The following SPOPL variants were observed in gnomAD, a reference collection of about 807,000 sequenced individuals.
The protein encoded by SPOPL is speckle type BTB/POZ protein like, also known as speckle-type POZ protein-like.
SPOPL carries 23 observed loss-of-function variants against 53.8 expected under a neutral mutation model. The ratio of observed to expected loss-of-function variants is 0.43; its 90% CI spans 0.31 to 0.61. The LOEUF (loss-of-function observed/expected upper bound fraction) is 0.61. Ranked by LOEUF, SPOPL falls within the 20% of genes least tolerant of loss-of-function variation. The pLI is 0.12. For synonymous variants in SPOPL, 164 were observed against 149.7 expected (o/e 1.10, Z -0.70); for missense variants, 442 against 466.9 (o/e 0.95, Z 0.49).
chr2:138,564,754 G>C lies in SPOPL; in HGVS notation c.884G>C (p.Ser295Thr). The part of the protein sequence containing the change: ...LKVMCEEALC[S>T]NLSVENVADT... ...GTCATGTGCGAAGAAGCTTTGTGTA[G>C]TAACCTCTCAGTAGAGAATGTTGCA... The change falls in exon 9 of 11, where the codon AGT (serine) becomes ACT (threonine). Residue 295 changes from serine (S) to threonine (T), a missense_variant. Physicochemically the swap from Ser to Thr is moderately conservative, Grantham distance 58. Transcript: ENST00000280098. The C allele has an allele frequency of 6.2e-7, 1 of 1,614,170 alleles. No individual in the cohort carries two copies. The highest frequency in any genetic ancestry group is 1.6e-4 in the Middle Eastern group (1 of 6,062).
At chr2:138,565,977 G>T (rs1188690757) in intron 10 of SPOPL, among the ~76,000 whole-genome samples, 1 of 151,964 alleles carries the variant, frequency 6.6e-6, no homozygotes, top group Non-Finnish European at 1.5e-5. Context: ...CTCATGATCC[G>T]CCTGTCTTGG....
intron 10 of SPOPL, among the ~76,000 whole-genome samples, chr2:138,566,439 A>C (rs567568726): frequency 1.3e-5 from 2 of 152,332 alleles, no homozygotes; most frequent in East Asian, 3.9e-4. Context: ...AGCTGTATTC[A>C]TATTCATCAA....
chr2:138,557,499 C>T (rs1031123317), intron 5 of SPOPL, among the ~76,000 whole-genome samples: 1 of 152,034 alleles, frequency 6.6e-6, no homozygotes, highest in African/African-American at 2.4e-5. Context: ...TTACATTGGA[C>T]CATTATTAGA....
At chr2:138,547,685 A>C (rs1472984648) in intron 1 of SPOPL, among the ~76,000 whole-genome samples, 4 of 152,156 alleles carry the variant, frequency 2.6e-5, no homozygotes, top group Non-Finnish European at 5.9e-5. Flanking sequence ...TGAATAAATA[A>C]AAATAAGAAA....
chr2:138,524,609 T>C lies in SPOPL; in HGVS notation c.-61+22490T>C, dbSNP rs550676513. Among the ~76,000 whole-genome samples, 12 of 152,300 alleles carry C rather than the reference T, an allele frequency of 7.9e-5. No homozygotes were observed. The East Asian group carries it at 2.3e-3, about 29-fold the overall frequency. ...GTCACCTCTTCAATGGTTTGCTGCT[T>C]AGAAATTTTTTCCACCAGATACCCT... is the stretch of plus-strand genomic sequence containing the variant. On this transcript the variant is annotated intron_variant, in intron 1 of 10. Coordinates refer to ENST00000280098, the MANE Select transcript of SPOPL (RefSeq NM_001001664.3).
chr2:138,561,059 C>CAGTG, intron 8 of SPOPL, 132 bp downstream of exon 8: 14 of 1,085,282 alleles, frequency 1.3e-5, no homozygotes, highest in Non-Finnish European at 2.6e-6. Context: ...AAATAGCATA[C>CAGTG]AGTGGGGTAA....
Position 138,569,056 on chromosome 2 carries a change from A to G in SPOPL, c.1155A>G (p.Pro385=). 3 of 1,613,620 alleles carry G rather than the reference A, an allele frequency of 1.9e-6. No individual in the cohort carries two copies. The highest frequency in any genetic ancestry group is 2.5e-6 in the Non-Finnish European group (3 of 1,179,870). The change falls in exon 11 of 11, where the codon CCA becomes CCG. Residue 385 remains proline (P), a synonymous_variant. Transcript: ENST00000280098. ...CACAGTGTCCACAGTTTGGCATTCC[A>G]CGCAAACGGCTAAAACAGTCCTGAA... ...ASAQCPQFGI[P]RKRLKQS
At chr2:138,549,544 T>C in intron 1 of SPOPL, among the ~76,000 whole-genome samples, 1 of 152,126 alleles carries the variant, frequency 6.6e-6, no homozygotes, top group Middle Eastern at 3.2e-3. Flanking sequence ...AACAGCTACC[T>C]GGGAGGAAAT....
intron 8 of SPOPL, among the ~76,000 whole-genome samples, chr2:138,562,797 A>T (rs951855519): frequency 1.3e-5 from 2 of 151,690 alleles, no homozygotes; most frequent in African/African-American, 4.8e-5. Context: ...AAAAAAAAAA[A>T]AAAAAAGTAA....
intron 8 of SPOPL, among the ~76,000 whole-genome samples, chr2:138,562,229 AAAAG>A (rs1685565123): frequency 6.6e-6 from 1 of 151,994 alleles, no homozygotes; most frequent in Non-Finnish European, 1.5e-5. Flanking sequence ...TTTGGGGAAA[AAAAG>A]AATAAAGTAG....
chr2:138,528,331 T>C (rs1226985783), intron 1 of SPOPL, among the ~76,000 whole-genome samples: 3 of 152,230 alleles, frequency 2.0e-5, no homozygotes, highest in Non-Finnish European at 2.9e-5. Flanking sequence ...TCTTTGGGCC[T>C]CCTTGAAAGA....
Position 138,544,571 on chromosome 2 carries a change from A to G in SPOPL, c.-60-5586A>G, listed in dbSNP as rs183482303. ...TAATTTCCTGGTGTGCCGTTTGCTA[A>G]GACCATTGGAAAAGCACAGTATTAG... On this transcript the variant is annotated intron_variant, in intron 1 of 10. Coordinates refer to ENST00000280098, the MANE Select transcript of SPOPL (RefSeq NM_001001664.3). Among the ~76,000 whole-genome samples, 170 of 152,316 alleles carry G rather than the reference A, an allele frequency of 1.1e-3. 1 individual carries two copies. The South Asian group carries it at 0.011, about 10-fold the overall frequency.
intron 1 of SPOPL, among the ~76,000 whole-genome samples, chr2:138,537,775 C>T (rs1684968697): frequency 1.3e-5 from 2 of 151,902 alleles, no homozygotes; most frequent in Admixed American, 6.6e-5. Context: ...AGACCACAGA[C>T]TCTCACTTTT....
intron 1 of SPOPL, among the ~76,000 whole-genome samples, chr2:138,521,325 A>G (rs1442799249): frequency 6.6e-6 from 1 of 151,588 alleles, no homozygotes; most frequent in Non-Finnish European, 1.5e-5. Context: ...TGAAATGGGT[A>G]GAAGTAGAAT....
At chr2:138,549,247 C>T (rs1489025272) in intron 1 of SPOPL, among the ~76,000 whole-genome samples, 1 of 151,966 alleles carries the variant, frequency 6.6e-6, no homozygotes, top group Non-Finnish European at 1.5e-5. Flanking sequence ...CTTGTCATAC[C>T]TTCTTGATGA....
chr2:138,573,311 A>G lies in SPOPL; in HGVS notation c.*4231A>G, dbSNP rs1431711329. 1.3e-5 allele frequency: 2 copies of G among 152,186 alleles called. No homozygotes were observed. Among genetic ancestry groups the G allele is most frequent in the Non-Finnish European group, 2.9e-5 (2 of 68,020 alleles). The allele number at this position is 152,186 out of a possible 1,614,324, so 9.4% of individuals were successfully genotyped here. On this transcript the variant is annotated 3_prime_UTR_variant, in exon 11 of 11. Transcript: ENST00000280098. ...TGGTATGATGCTTTGCAAAAGAGCC[A>G]TGTATTTGATACGGTAAATCATGCA...
chr2:138,533,560 A>G (rs1438610971), intron 1 of SPOPL, among the ~76,000 whole-genome samples: 1 of 152,096 alleles, frequency 6.6e-6, no homozygotes, highest in Non-Finnish European at 1.5e-5. Flanking sequence ...GTCATCGTAT[A>G]CTTAATTTGA....
At chr2:138,510,849 C>G (rs1684310072) in intron 1 of SPOPL, among the ~76,000 whole-genome samples, 1 of 152,086 alleles carries the variant, frequency 6.6e-6, no homozygotes, top group Non-Finnish European at 1.5e-5. Flanking sequence ...TAAATTTGTT[C>G]TGAGATTGCT....
chr2:138,547,339 A>G (rs1474261), intron 1 of SPOPL, among the ~76,000 whole-genome samples: 22,718 of 152,230 alleles, frequency 0.15, 1,930 homozygotes, highest in African/African-American at 0.23. Context: ...GTCTGTTGTG[A>G]GTTATACTTC....
Sources: gnomAD v4.1 joint callset for allele counts (sites outside exome capture counted in the v4.1 genomes callset) on GRCh38, gnomAD v4.1.1 for gene constraint, MANE v1.5 for transcripts, NCBI Gene and HGNC (gene_info 2026-07-23, HGNC 2026-07-21) for gene names.